GALNTL6: variants seen among roughly 807,000 people sequenced by gnomAD.
The protein encoded by GALNTL6 is polypeptide N-acetylgalactosaminyltransferase like 6, also known as polypeptide N-acetylgalactosaminyltransferase-like 6.
In GALNTL6, 46 loss-of-function variants were observed where a neutral mutation model predicts 73.7. The observed-to-expected ratio is 0.62, with a 90% CI of 0.49 to 0.80. GALNTL6 has a LOEUF of 0.80. GALNTL6 is among the 30% of genes least tolerant of loss of function. The probability of loss-of-function intolerance (pLI) is 0.00; values close to 1 mark genes in which losing one functional copy is unlikely to be tolerated. For synonymous variants in GALNTL6, 259 were observed against 263.7 expected, an observed-to-expected ratio of 0.98 and a Z score of 0.17; for missense variants, 604 against 755.0, an observed-to-expected ratio of 0.80 and a Z score of 2.34.
intron 5 of GALNTL6, among the ~76,000 whole-genome samples, chr4:172,734,828 C>T (rs976072555): frequency 9.8e-5 from 15 of 152,330 alleles, no homozygotes; most frequent in African/African-American, 3.6e-4. Flanking sequence ...CCGCTCCAGC[C>T]ATGGCTAAAA....
In GALNTL6 at chr4:172,673,126, CT is replaced by C. The variant is rs1732083871; in HGVS notation, c.554-136234del. On this transcript the variant is annotated intron_variant, in intron 5 of 12. Coordinates refer to ENST00000506823, the MANE Select transcript of GALNTL6 (RefSeq NM_001034845.3). ...TGAAGTTATGTTGTTAACTATAGAT[CT>C]GTCTAACTTTTTGATGTGGGTATTT... is the stretch of plus-strand genomic sequence containing the variant. Among the ~76,000 whole-genome samples, 7 of 152,234 alleles carry C rather than the reference CT, an allele frequency of 4.6e-5. No individual in the cohort carries two copies. In the South Asian group the frequency reaches 1.5e-3, roughly 32 times the overall value.
intron 5 of GALNTL6, among the ~76,000 whole-genome samples, chr4:172,495,072 A>G (rs1734025112): frequency 6.6e-6 from 1 of 152,198 alleles, no homozygotes; most frequent in Admixed American, 6.5e-5. Context: ...GACAGAATTC[A>G]GGAATCCTAG....
At chr4:172,068,780 T>G (rs1195118184) in intron 2 of GALNTL6, among the ~76,000 whole-genome samples, 1 of 111,444 alleles carries the variant, frequency 9.0e-6, no homozygotes, top group African/African-American at 3.4e-5. Context: ...TTAGTAAAGA[T>G]ACTTTTGTGA....
At chr4:171,984,829 G>T (rs1415599483) in intron 2 of GALNTL6, among the ~76,000 whole-genome samples, 1 of 152,112 alleles carries the variant, frequency 6.6e-6, no homozygotes. Context: ...TATCAGCCAT[G>T]GGAAGTGACT....
chr4:172,131,521 TAC>T (rs772971612), intron 2 of GALNTL6, among the ~76,000 whole-genome samples: 2 of 149,048 alleles, frequency 1.3e-5, no homozygotes, highest in Non-Finnish European at 3.0e-5. Flanking sequence ...TGCATATATA[TAC>T]ACACACACAC....
intron 10 of GALNTL6, among the ~76,000 whole-genome samples, chr4:172,988,950 G>A (rs1373231591): frequency 6.6e-6 from 1 of 152,190 alleles, no homozygotes; most frequent in Non-Finnish European, 1.5e-5. Context: ...CTGCTGCAGG[G>A]GCCTGCAGGG....
chr4:172,798,012 T>C lies in GALNTL6; in HGVS notation c.554-11349T>C, dbSNP rs556136678. Among the ~76,000 whole-genome samples, 3 of 152,296 alleles carry C rather than the reference T, an allele frequency of 2.0e-5. No homozygotes were observed. The South Asian group carries it at 6.2e-4, about 32-fold the overall frequency. ...TAAGTCCCTTAAGTTCAGTGGTGGG[T>C]TCTATGCAGCTTGGTGATTTATACA... On this transcript the variant is annotated intron_variant, in intron 5 of 12. Coordinates refer to ENST00000506823, the MANE Select transcript of GALNTL6 (RefSeq NM_001034845.3).
intron 5 of GALNTL6, among the ~76,000 whole-genome samples, chr4:172,436,473 T>C (rs1433942905): frequency 6.6e-6 from 1 of 152,066 alleles, no homozygotes; most frequent in Non-Finnish European, 1.5e-5. Context: ...AGTCCCGACA[T>C]CCTACTTCAG....
chr4:172,883,229 T>C (rs532218790), intron 8 of GALNTL6, among the ~76,000 whole-genome samples: 4 of 152,190 alleles, frequency 2.6e-5, no homozygotes, highest in Non-Finnish European at 5.9e-5. Flanking sequence ...ATTGCAATTC[T>C]TCTCCTCTAG....
intron 5 of GALNTL6, among the ~76,000 whole-genome samples, chr4:172,524,423 G>A (rs919679103): frequency 4.0e-5 from 6 of 151,862 alleles, no homozygotes; most frequent in African/African-American, 1.5e-4. Context: ...TAATGTTTTT[G>A]TATTTTTAGT....
At chr4:171,903,262 G>C (rs1578955726) in intron 2 of GALNTL6, among the ~76,000 whole-genome samples, 1 of 152,112 alleles carries the variant, frequency 6.6e-6, no homozygotes, top group East Asian at 2.0e-4. Context: ...GTGCCAGACA[G>C]TGGGCGCAGG....
At chr4:172,682,567 T>C (rs529660626) in intron 5 of GALNTL6, among the ~76,000 whole-genome samples, 1 of 152,188 alleles carries the variant, frequency 6.6e-6, no homozygotes, top group Admixed American at 6.5e-5. Flanking sequence ...AACAAATAGG[T>C]TTTAGTATAA....
intron 5 of GALNTL6, among the ~76,000 whole-genome samples, chr4:172,478,619 G>C (rs573188980): frequency 6.6e-6 from 1 of 152,184 alleles, no homozygotes; most frequent in African/African-American, 2.4e-5. Context: ...TTATGACTGA[G>C]ACCTTGAAAG....
At chr4:172,524,162 G>C (rs1264445720) in intron 5 of GALNTL6, among the ~76,000 whole-genome samples, 1 of 151,986 alleles carries the variant, frequency 6.6e-6, no homozygotes, top group Non-Finnish European at 1.5e-5. Flanking sequence ...GGACACTTTT[G>C]CTCAGCATAT....
intron 5 of GALNTL6, among the ~76,000 whole-genome samples, chr4:172,426,025 T>C (rs1731215832): frequency 6.6e-6 from 1 of 152,120 alleles, no homozygotes; most frequent in Non-Finnish European, 1.5e-5. Context: ...AATGACGATA[T>C]TAAAAGGAGC....
chr4:171,984,386 G>T (rs1411593344), intron 2 of GALNTL6, among the ~76,000 whole-genome samples: 1 of 152,178 alleles, frequency 6.6e-6, no homozygotes, highest in Admixed American at 6.5e-5. Flanking sequence ...AGGCATGAGA[G>T]GAAGTGAGCA....
At position 172,793,828 on chromosome 4, in the gene GALNTL6, A is replaced by C. The variant is rs192604046; in HGVS notation, c.554-15533A>C. On this transcript the variant is annotated intron_variant, in intron 5 of 12. Transcript: ENST00000506823. Reference sequence around the variant, plus strand: ...TATGATTTATTGCCTCATTTAGTCAAGCTTGCACAGGCAACAATGATCTAT... The same window carrying C: ...TATGATTTATTGCCTCATTTAGTCACGCTTGCACAGGCAACAATGATCTAT... Among the ~76,000 whole-genome samples the C allele has an allele frequency of 8.9e-4, 136 of 152,314 alleles. 1 individual carries two copies.
Position 172,672,691 on chromosome 4 carries a change from C to A in GALNTL6, c.554-136670C>A, listed in dbSNP as rs146537416. On this transcript the variant is annotated intron_variant, in intron 5 of 12. Coordinates refer to ENST00000506823, the MANE Select transcript of GALNTL6 (RefSeq NM_001034845.3). Reference sequence around the variant, plus strand: ...ATTGGTAGGTTGTTTATTACTGACTCAATTTTAGAACTTATTATTGGTCTG... The same window carrying A: ...ATTGGTAGGTTGTTTATTACTGACTAAATTTTAGAACTTATTATTGGTCTG... 4.6e-5 allele frequency among the ~76,000 whole-genome samples: 7 copies of A among 152,194 alleles called. No homozygotes were observed. In the East Asian group the frequency reaches 1.4e-3, roughly 29 times the overall value.
chr4:172,237,275 T>TGAAA (rs1737275063), intron 3 of GALNTL6, among the ~76,000 whole-genome samples: 1 of 152,238 alleles, frequency 6.6e-6, no homozygotes, highest in Non-Finnish European at 1.5e-5. Flanking sequence ...TTTTAGGTTC[T>TGAAA]TTGGGTAATC....
Sources: gnomAD v4.1 joint callset for allele counts (sites outside exome capture counted in the v4.1 genomes callset) on GRCh38, gnomAD v4.1.1 for gene constraint, MANE v1.5 for transcripts, NCBI Gene and HGNC (gene_info 2026-07-23, HGNC 2026-07-21) for gene names.